MTMR10: variants seen among roughly 807,000 people sequenced by gnomAD.
The protein encoded by MTMR10 is myotubularin-related protein 10.
Under a neutral mutation model 88.1 loss-of-function variants are expected in MTMR10, and 56 were observed. That is an observed-to-expected ratio of 0.64 (90% CI 0.51 to 0.79). MTMR10 has a LOEUF of 0.79. MTMR10 is among the 30% of genes least tolerant of loss of function. MTMR10 has a pLI of 0.00. For synonymous variants in MTMR10, 380 were observed against 340.9 expected (o/e 1.11, Z -1.26); for missense variants, 883 against 924.7 (o/e 0.95, Z 0.58).
chr15:30,958,419 C>T (rs1349420286), intron 9 of MTMR10, among the ~76,000 whole-genome samples: 1 of 152,204 alleles, frequency 6.6e-6, no homozygotes, highest in Admixed American at 6.5e-5. Flanking sequence ...ACTTTAATGA[C>T]GTGGAGGTTA....
intron 3 of MTMR10, among the ~76,000 whole-genome samples, chr15:30,976,169 G>C (rs2030134780): frequency 6.6e-6 from 1 of 151,104 alleles, no homozygotes; most frequent in South Asian, 2.1e-4. Context: ...GGGAGGGGGA[G>C]GCAGGCAGAT....
the MTMR10 span, among the ~76,000 whole-genome samples, chr15:30,931,113 C>CA: frequency 9.9e-5 from 15 of 152,158 alleles, no homozygotes; most frequent in African/African-American, 3.6e-4. Flanking sequence ...ACAGATACCC[C>CA]ATTCCCCTTG....
Position 30,972,537 on chromosome 15 carries a change from G to A in MTMR10, c.474+1777C>T, listed in dbSNP as rs115950277. Among the ~76,000 whole-genome samples, 1,232 of 152,124 alleles carry A rather than the reference G, an allele frequency of 8.1e-3. 13 individuals carry two copies. The highest frequency in any genetic ancestry group is 0.028 in the African/African-American group (1,142 of 41,476). ...TGTTTTGTGCAGACGGTTTAGTAAG[G>A]CCCTCTTCATGAACCAGCAGCACAA... On this transcript the variant is annotated intron_variant, in intron 5 of 15. Transcript: ENST00000435680.
the MTMR10 span, chr15:30,928,255 T>A: frequency 8.7e-7 from 1 of 1,146,644 alleles, no homozygotes; most frequent in African/African-American, 1.6e-5. Context: ...TTTAAACATG[T>A]TTCTTAGGTT....
At chr15:30,959,958 A>G (rs894412328) in intron 7 of MTMR10, among the ~76,000 whole-genome samples, 2 of 152,252 alleles carry the variant, frequency 1.3e-5, no homozygotes, top group Non-Finnish European at 2.9e-5. Context: ...AAGATCCCCT[A>G]GGGAACCAGC....
intron 12 of MTMR10, among the ~76,000 whole-genome samples, chr15:30,950,700 A>C (rs2063232332): frequency 6.6e-6 from 1 of 151,970 alleles, no homozygotes; most frequent in South Asian, 2.1e-4. Context: ...CTGCAAGCTT[A>C]AGCAACATTT....
the MTMR10 span, among the ~76,000 whole-genome samples, chr15:30,929,825 C>CATATAATATATAAA: frequency 3.2e-5 from 2 of 62,344 alleles, no homozygotes; most frequent in African/African-American, 2.1e-4. Context: ...TATATTATAT[C>CATATAATATATAAA]ATATATAATA....
chr15:30,960,149 T>C (rs2141021978), intron 7 of MTMR10, among the ~76,000 whole-genome samples: 1 of 152,270 alleles, frequency 6.6e-6, no homozygotes, highest in African/African-American at 2.4e-5. Context: ...ATCTGAGCAA[T>C]GATCCTCCCT....
intron 3 of MTMR10, 25 bp downstream of exon 3, chr15:30,976,794 G>GA: frequency 1.9e-6 from 3 of 1,600,082 alleles, no homozygotes; most frequent in Non-Finnish European, 1.7e-6. Flanking sequence ...CTGATAGAAT[G>GA]AAACAGTGTA....
intron 5 of MTMR10, among the ~76,000 whole-genome samples, chr15:30,968,825 G>A (rs1159314732): frequency 6.6e-6 from 1 of 152,080 alleles, no homozygotes; most frequent in Non-Finnish European, 1.5e-5. Context: ...TCCATATATA[G>A]AAATATGGCT....
chr15:30,920,145 C>T, the MTMR10 span, among the ~76,000 whole-genome samples: 1 of 152,202 alleles, frequency 6.6e-6, no homozygotes, highest in Non-Finnish European at 1.5e-5. Context: ...TTCCAGTTAA[C>T]TTCATTTGTG....
At chr15:30,919,519 C>T in the MTMR10 span, among the ~76,000 whole-genome samples, 1 of 151,382 alleles carries the variant, frequency 6.6e-6, no homozygotes, top group African/African-American at 2.4e-5. Flanking sequence ...GGTGAAACCT[C>T]GTCTCTACTA....
At chr15:30,959,145 A>C in intron 7 of MTMR10, 24 bp from the exon 8 acceptor site, 1 of 1,546,906 alleles carries the variant, frequency 6.5e-7, no homozygotes, top group Non-Finnish European at 8.8e-7. Context: ...AAAAAATTAT[A>C]TGAGTGCTGT....
At position 30,977,640 on chromosome 15, in the gene MTMR10, C is replaced by T. The variant is rs76723900; in HGVS notation, c.122-685G>A. Among the ~76,000 whole-genome samples, 341 of 152,226 alleles carry T rather than the reference C, an allele frequency of 2.2e-3. 1 individual carries two copies. The highest frequency in any genetic ancestry group is 7.8e-3 in the African/African-American group (325 of 41,520). ...TTTCAAGATCTAAAAGTCAACTAGA[C>T]GCAGAACATTTTAAGCCATCTGTCT... On this transcript the variant is annotated intron_variant, in intron 2 of 15. Coordinates refer to ENST00000435680, the MANE Select transcript of MTMR10 (RefSeq NM_017762.3).
At chr15:30,922,903 C>T in the MTMR10 span, among the ~76,000 whole-genome samples, 3 of 152,328 alleles carry the variant, frequency 2.0e-5, no homozygotes, top group Middle Eastern at 3.4e-3. Context: ...GATCTAGGGG[C>T]ACTTGGAAGC....
chr15:30,966,036 T>C (rs1458202460), intron 6 of MTMR10: 17 of 455,634 alleles, frequency 3.7e-5, no homozygotes, highest in Non-Finnish European at 7.5e-5. Flanking sequence ...GCAGTATTTA[T>C]GCTTCTGTAA....
intron 3 of MTMR10, among the ~76,000 whole-genome samples, chr15:30,976,378 C>A (rs2030153815): frequency 6.6e-6 from 1 of 152,026 alleles, no homozygotes; most frequent in Non-Finnish European, 1.5e-5. Context: ...TGCACTCCAG[C>A]CTGGGAGACA....
At chr15:30,945,247 G>GA (rs1173350452) in intron 14 of MTMR10, among the ~76,000 whole-genome samples, 3 of 152,102 alleles carry the variant, frequency 2.0e-5, no homozygotes, top group South Asian at 2.1e-4. Flanking sequence ...GGGAGAGGGG[G>GA]ATTCATGTTA....
intron 12 of MTMR10, 37 bp downstream of exon 12, chr15:30,951,928 GTAT>G: frequency 6.5e-7 from 1 of 1,546,074 alleles, no homozygotes; most frequent in Non-Finnish European, 8.9e-7. Context: ...AGGCTGGCTG[GTAT>G]GGTGGTCATG....
Sources: gnomAD v4.1 joint callset for allele counts (sites outside exome capture counted in the v4.1 genomes callset) on GRCh38, gnomAD v4.1.1 for gene constraint, MANE v1.5 for transcripts, NCBI Gene and HGNC (gene_info 2026-07-23, HGNC 2026-07-21) for gene names.